NAT10: variants seen among roughly 807,000 people sequenced by gnomAD.
NAT10 encodes RNA cytidine acetyltransferase.
In NAT10, 109 loss-of-function variants were observed where a neutral mutation model predicts 132.2. The ratio of observed to expected loss-of-function variants is 0.82; its 90% CI spans 0.71 to 0.97. NAT10 has a LOEUF of 0.97. NAT10 is among the 50% of genes least tolerant of loss of function. The pLI, the probability that NAT10 is intolerant of heterozygous loss-of-function variation, is 0.00. For synonymous variants in NAT10, 479 were observed against 478.0 expected (o/e 1.00, Z -0.03); for missense variants, 1,184 against 1,263.4 (o/e 0.94, Z 0.95).
rs760213898 is a variant in NAT10 at position 34,146,141 on chromosome 11, G to A, written c.3027G>A (p.Lys1009=). The part of the protein sequence containing the change: ...KQEPKQSKKL[K]NRETKNKKDM... ...AACCCAAACAGAGCAAGAAGTTGAA[G>A]AACAGAGAGACAAAGAACAAAAAAG... Residue 1009 remains lysine, a synonymous_variant, in exon 29 of 29, where the codon AAG becomes AAA. Transcript: ENST00000257829. The A allele has an allele frequency of 1.6e-4, 252 of 1,610,598 alleles. 3 individuals carry two copies. In the South Asian group the frequency reaches 2.6e-3, roughly 17 times the overall value.
chr11:34,137,139 G>A, intron 21 of NAT10, 113 bp downstream of exon 21: 2 of 1,183,814 alleles, frequency 1.7e-6, no homozygotes. Context: ...TGAGCAGGTG[G>A]CTGTGCCTCT....
rs1852163916 is a variant in NAT10 at position 34,134,232 on chromosome 11, C to G, written c.1735-87C>G. ...TGAACATGGGGGTGGAAACAACTGGCCTAGTTCGAGAAACAAGCTATATTC... is the reference window on the plus strand; with the variant it reads ...TGAACATGGGGGTGGAAACAACTGGGCTAGTTCGAGAAACAAGCTATATTC... On this transcript the variant is annotated intron_variant, in intron 16 of 28. Coordinates refer to ENST00000257829, the MANE Select transcript of NAT10 (RefSeq NM_024662.3). The G allele has an allele frequency of 5.0e-5, 57 of 1,139,096 alleles. No individual in the cohort carries two copies. In the South Asian group the frequency reaches 7.2e-4, roughly 14 times the overall value. The allele number at this position is 1,139,096 out of a possible 1,614,324, so 70.6% of individuals were successfully genotyped here.
chr11:34,109,946 A>T (rs1851664656), intron 3 of NAT10, among the ~76,000 whole-genome samples: 11 of 152,202 alleles, frequency 7.2e-5, no homozygotes, highest in Admixed American at 7.2e-4. Context: ...ATTCTGGTGG[A>T]AAAATGCCCA....
At position 34,132,130 on chromosome 11, in the gene NAT10, A is replaced by G. The variant is rs1464013273; in HGVS notation, c.1526A>G (p.Tyr509Cys). The G allele has an allele frequency of 3.7e-6, 6 of 1,612,694 alleles. No individual in the cohort carries two copies. The highest frequency in any genetic ancestry group is 4.5e-5 in the East Asian group (2 of 44,862). ...TTTCTTAACTCCAGACCCAGGTACT[A>G]TGTTAATAGAGATACCCTCTTTTGC... Reference protein sequence around the residue: ...CPLPEACELYYVNRDTLFCYH... With the variant: ...CPLPEACELYCVNRDTLFCYH... Residue 509 changes from tyrosine to cysteine, a missense_variant, in exon 15 of 29, where the codon TAT (tyrosine) becomes TGT (cysteine). Coordinates refer to ENST00000257829, the MANE Select transcript of NAT10 (RefSeq NM_024662.3).
chr11:34,123,635 T>A, intron 9 of NAT10, 127 bp from the exon 10 acceptor site: 1 of 660,266 alleles, frequency 1.5e-6, no homozygotes, highest in Non-Finnish European at 2.5e-6. Flanking sequence ...GTCCTGACTT[T>A]TTCCCTTGCT....
chr11:34,137,421 G>A (rs1852236789), intron 21 of NAT10, among the ~76,000 whole-genome samples: 2 of 152,084 alleles, frequency 1.3e-5, no homozygotes, highest in Non-Finnish European at 2.9e-5. Flanking sequence ...GGGAAGAGTG[G>A]GAGTTCTTTT....
At chr11:34,125,811 A>G (rs1181192213) in intron 11 of NAT10, among the ~76,000 whole-genome samples, 1 of 152,126 alleles carries the variant, frequency 6.6e-6, no homozygotes, top group African/African-American at 2.4e-5. Flanking sequence ...AAAATTTAAA[A>G]AAGTTAGCCA....
At chr11:34,143,109 G>T (rs912631991) in intron 27 of NAT10, among the ~76,000 whole-genome samples, 3 of 152,210 alleles carry the variant, frequency 2.0e-5, no homozygotes, top group Non-Finnish European at 4.4e-5. Context: ...GATTGTGGGG[G>T]TGACAGGAAG....
chr11:34,118,472 T>A lies in NAT10; in HGVS notation c.749T>A (p.Val250Glu), dbSNP rs767544123. 15 of 1,613,942 alleles carry A rather than the reference T, an allele frequency of 9.3e-6. No homozygotes were observed. The Middle Eastern group carries it at 4.9e-4, about 53-fold the overall frequency. Residue 250 changes from valine to glutamate, a missense_variant, in exon 8 of 29, where the codon GTG becomes GAG. Coordinates refer to ENST00000257829, the MANE Select transcript of NAT10 (RefSeq NM_024662.3). Reference protein sequence around the residue: ...ESLQDTQPVGVLVDCCKTLDQ... With the variant: ...ESLQDTQPVGELVDCCKTLDQ... ...TTGCAGGACACCCAGCCTGTGGGTG[T>A]GTTGGTGGACTGCTGTAAGACTCTA...
intron 9 of NAT10, among the ~76,000 whole-genome samples, chr11:34,123,297 C>G (rs1239900652): frequency 6.6e-6 from 1 of 152,240 alleles, no homozygotes; most frequent in Non-Finnish European, 1.5e-5. Context: ...CTTCGTTCTT[C>G]CTGCTGCTCT....
chr11:34,125,064 C>G lies in NAT10; in HGVS notation c.1107+664C>G, dbSNP rs1223368364. 2.6e-5 allele frequency among the ~76,000 whole-genome samples: 4 copies of G among 152,238 alleles called. No individual in the cohort carries two copies. The East Asian group carries it at 7.7e-4, about 29-fold the overall frequency. On this transcript the variant is annotated intron_variant, in intron 11 of 28. Transcript: ENST00000257829. ...CCAGGTGAATTTGGCAGTTTATACC[C>G]TAGCACTTTATGCCTGTCAAAGCAT...
chr11:34,141,203 G>C lies in NAT10; in HGVS notation c.2707G>C (p.Val903Leu). The change falls in exon 25 of 29, where the codon GTG becomes CTG. Residue 903 changes from valine to leucine, a missense_variant. Physicochemically the swap from Val to Leu is conservative, Grantham distance 32. Coordinates refer to ENST00000257829, the MANE Select transcript of NAT10 (RefSeq NM_024662.3). ...TTTCAACCGGATCATCCGCAAAGTT[G>C]TGAAGGTAACCTCAGCCTGAGGGCA... ...GLFNRIIRKV[V>L]KLFNEVQEKA... 6.2e-7 allele frequency: 1 copy of C among 1,614,008 alleles called. No individual in the cohort carries two copies. Among genetic ancestry groups the C allele is most frequent in the Non-Finnish European group, 8.5e-7 (1 of 1,180,008 alleles).
At chr11:34,131,584 G>T in intron 14 of NAT10, 53 bp downstream of exon 14, 3 of 1,521,018 alleles carry the variant, frequency 2.0e-6, no homozygotes, top group Non-Finnish European at 2.7e-6. Flanking sequence ...GGCGGTGAAA[G>T]AATTCAAAGG....
At chr11:34,138,901 TC>T (rs1257087073) in intron 21 of NAT10, 1 of 377,294 alleles carries the variant, frequency 2.7e-6, no homozygotes, top group Non-Finnish European at 4.9e-6. Flanking sequence ...CTCCCGCACG[TC>T]CCGAGCAAGA....
Position 34,146,381 on chromosome 11 carries a change from C to A in NAT10, c.*189C>A. On this transcript the variant is annotated 3_prime_UTR_variant, in exon 29 of 29. Transcript: ENST00000257829. ...AAGGCAGAGTCACTCCCAAATGGGTCTCTTTAGAACTTGATGGCTGGGCAC... is the reference window on the plus strand; with the variant it reads ...AAGGCAGAGTCACTCCCAAATGGGTATCTTTAGAACTTGATGGCTGGGCAC... The A allele has an allele frequency of 2.0e-6, 1 of 503,666 alleles. No individual in the cohort carries two copies. The highest frequency in any genetic ancestry group is 3.5e-6 in the Non-Finnish European group (1 of 283,116). The allele number at this position is 503,666 out of a possible 1,614,324, so 31.2% of individuals were successfully genotyped here. A position where few individuals can be genotyped will look rare whatever the true frequency, so the allele number is the denominator to read the frequency against.
intron 15 of NAT10, among the ~76,000 whole-genome samples, 190 bp downstream of exon 15, chr11:34,132,411 T>A (rs1282464131): frequency 6.6e-6 from 1 of 152,150 alleles, no homozygotes; most frequent in Non-Finnish European, 1.5e-5. Flanking sequence ...CGGGACAGGG[T>A]GGAAAGCTGT....
intron 9 of NAT10, 134 bp downstream of exon 9, chr11:34,122,726 G>A: frequency 8.3e-7 from 1 of 1,209,538 alleles, no homozygotes. Flanking sequence ...GATTTCTCTA[G>A]GTCTTGATTT....
At chr11:34,140,036 C>T (rs1041956527) in intron 23 of NAT10, among the ~76,000 whole-genome samples, 2 of 152,152 alleles carry the variant, frequency 1.3e-5, no homozygotes, top group South Asian at 2.1e-4. Flanking sequence ...TGGAGAAATC[C>T]GTATATCTTG....
rs371663121 is a variant in NAT10, at chr11:34,141,822, G to A, written c.2811+5G>A. ...AAGACCCTCAGTGACGACCTAGTAT[G>A]TCCCTGCTCATGGCCTCGGGAGTCC... is the stretch of plus-strand genomic sequence containing the variant. On this transcript the variant is annotated splice_donor_5th_base_variant and intron_variant, in intron 26 of 28. Coordinates refer to ENST00000257829, the MANE Select transcript of NAT10 (RefSeq NM_024662.3). The A allele has an allele frequency of 3.0e-5, 49 of 1,612,530 alleles. No homozygotes were observed. In the African/African-American group the frequency reaches 5.9e-4, roughly 19 times the overall value.
Sources: gnomAD v4.1 joint callset for allele counts (sites outside exome capture counted in the v4.1 genomes callset) on GRCh38, gnomAD v4.1.1 for gene constraint, MANE v1.5 for transcripts, NCBI Gene and HGNC (gene_info 2026-07-23, HGNC 2026-07-21) for gene names.